Variants in KCNMA1 observed in about 807,000 individuals in gnomAD.
KCNMA1 encodes the protein Calcium-activated potassium channel subunit alpha-1.
A neutral mutation model predicts 140.0 loss-of-function variants in KCNMA1; 29 were observed. That is an observed-to-expected ratio of 0.21 (90% confidence interval 0.15 to 0.28). KCNMA1 has a LOEUF of 0.28. Among genes scored for constraint, KCNMA1 ranks in the 10% least tolerant of loss-of-function variants. The pLI, the probability that KCNMA1 is intolerant of heterozygous loss-of-function variation, is 1.00. For synonymous variants in KCNMA1, 612 were observed against 611.9 expected, an observed-to-expected ratio of 1.00 and a Z score of 0.00; for missense variants, 880 against 1,602.2, an observed-to-expected ratio of 0.55 and a Z score of 7.70.
intron 1 of KCNMA1, among the ~76,000 whole-genome samples, chr10:77,505,863 A>C (rs2045614177): frequency 6.6e-6 from 1 of 152,258 alleles, no homozygotes; most frequent in Non-Finnish European, 1.5e-5. Flanking sequence ...ATGACTAATC[A>C]GAAATGACAG....
intron 14 of KCNMA1, among the ~76,000 whole-genome samples, chr10:77,054,664 A>T (rs1395895275): frequency 1.3e-5 from 2 of 152,322 alleles, no homozygotes; most frequent in East Asian, 3.9e-4. Context: ...ATGAAACCCT[A>T]ATCACTGGGA....
At chr10:76,921,352 G>A (rs567400652) in intron 23 of KCNMA1, among the ~76,000 whole-genome samples, 2 of 152,240 alleles carry the variant, frequency 1.3e-5, no homozygotes, top group Admixed American at 1.3e-4. Flanking sequence ...CATCATCTAT[G>A]AGATGAATTA....
chr10:77,292,655 T>C (rs2073677229), intron 2 of KCNMA1, among the ~76,000 whole-genome samples: 1 of 152,202 alleles, frequency 6.6e-6, no homozygotes, highest in Non-Finnish European at 1.5e-5. Flanking sequence ...CTCCTTTCTC[T>C]TGTCAACCTC....
At chr10:77,232,691 T>C (rs1454253115) in intron 3 of KCNMA1, among the ~76,000 whole-genome samples, 1 of 152,230 alleles carries the variant, frequency 6.6e-6, no homozygotes, top group Non-Finnish European at 1.5e-5. Context: ...CTTTTTCTTT[T>C]GTTGCTTTTG....
chr10:77,019,260 C>A, intron 16 of KCNMA1, 161 bp from the exon 17 acceptor site: 1 of 630,840 alleles, frequency 1.6e-6, no homozygotes, highest in Non-Finnish European at 2.8e-6. Context: ...CTGCCCCATA[C>A]ATTTAGTTGG....
chr10:77,137,358 T>C (rs2574795), intron 5 of KCNMA1, among the ~76,000 whole-genome samples: 133,244 of 152,236 alleles, frequency 0.88, 58,321 homozygotes, highest in Admixed American at 0.92. Flanking sequence ...GTTTCCAATC[T>C]CTGCAGCCCC....
intron 16 of KCNMA1, among the ~76,000 whole-genome samples, chr10:77,023,486 A>C (rs917511060): frequency 2.0e-5 from 3 of 152,204 alleles, no homozygotes; most frequent in Non-Finnish European, 4.4e-5. Flanking sequence ...TGTGTCTAGC[A>C]AGCTAATGGG....
intron 23 of KCNMA1, among the ~76,000 whole-genome samples, chr10:76,926,427 A>G (rs1302283381): frequency 3.3e-5 from 5 of 152,182 alleles, no homozygotes; most frequent in East Asian, 1.9e-4. Flanking sequence ...AACTGCTTAC[A>G]ACAGCACCTG....
Position 76,886,657 on chromosome 10 carries a change from T to C in KCNMA1, c.*609A>G. ...GGTGAGTAACTAAAAAAATCACTGA[T>C]GTTCTCTTGCAACAAGCAGGTCCTT... is the stretch of plus-strand genomic sequence containing the variant. On this transcript the variant is annotated 3_prime_UTR_variant, in exon 28 of 28. Transcript: ENST00000286628. The C allele has an allele frequency of 4.0e-6, 4 of 992,206 alleles. No homozygotes were observed. The highest frequency in any genetic ancestry group is 4.8e-6 in the Non-Finnish European group (4 of 833,914). The allele number at this position is 992,206 out of a possible 1,614,324, so 61.5% of individuals were successfully genotyped here. A position where few individuals can be genotyped will look rare whatever the true frequency, so the allele number is the denominator to read the frequency against.
chr10:76,914,553 A>G (rs2051877341), intron 24 of KCNMA1: 1 of 335,504 alleles, frequency 3.0e-6, no homozygotes. Context: ...GAGGACTCAG[A>G]TTGTAGGAGC....
intron 23 of KCNMA1, among the ~76,000 whole-genome samples, chr10:76,930,590 C>A (rs1278991391): frequency 6.6e-6 from 1 of 152,080 alleles, no homozygotes; most frequent in Non-Finnish European, 1.5e-5. Context: ...AAAAATAGAA[C>A]CACCACATGA....
chr10:77,037,565 G>A (rs1959074599), intron 15 of KCNMA1, among the ~76,000 whole-genome samples: 1 of 152,144 alleles, frequency 6.6e-6, no homozygotes, highest in African/African-American at 2.4e-5. Context: ...CAGAGTAAGA[G>A]AAGGGTGGAA....
intron 2 of KCNMA1, among the ~76,000 whole-genome samples, chr10:77,281,504 G>A (rs2068581458): frequency 6.6e-6 from 1 of 152,212 alleles, no homozygotes; most frequent in African/African-American, 2.4e-5. Context: ...TATATAGCTA[G>A]AGAACAGCTG....
At chr10:77,627,947 G>A (rs1603638998) in intron 1 of KCNMA1, among the ~76,000 whole-genome samples, 2 of 152,082 alleles carry the variant, frequency 1.3e-5, no homozygotes, top group African/African-American at 2.4e-5. Context: ...AAATCAGGTC[G>A]CTATTTGTTG....
At chr10:77,436,891 T>C (rs1388624951) in intron 1 of KCNMA1, among the ~76,000 whole-genome samples, 1 of 152,022 alleles carries the variant, frequency 6.6e-6, no homozygotes, top group Non-Finnish European at 1.5e-5. Flanking sequence ...ATTATCTGAA[T>C]ATGCCAGGCT....
At chr10:77,079,121 T>A (rs1406393566) in intron 13 of KCNMA1, among the ~76,000 whole-genome samples, 2 of 151,966 alleles carry the variant, frequency 1.3e-5, no homozygotes, top group Non-Finnish European at 2.9e-5. Flanking sequence ...AAGTACAAAA[T>A]CAGCCTGGCA....
intron 14 of KCNMA1, among the ~76,000 whole-genome samples, chr10:77,039,953 GC>G (rs1437400750): frequency 1.9e-4 from 22 of 117,950 alleles, no homozygotes; most frequent in Non-Finnish European, 3.2e-4. Context: ...GTGGGTCATA[GC>G]TCACTGAAGC....
chr10:76,936,502 G>A (rs1157344733), intron 23 of KCNMA1, among the ~76,000 whole-genome samples: 10 of 152,150 alleles, frequency 6.6e-5, no homozygotes, highest in Admixed American at 3.3e-4. Flanking sequence ...ATATTTTAGC[G>A]CTGAGCTTTG....
chr10:77,050,691 AG>A (rs2095330160), intron 14 of KCNMA1, among the ~76,000 whole-genome samples: 1 of 152,196 alleles, frequency 6.6e-6, no homozygotes, highest in Non-Finnish European at 1.5e-5. Context: ...CTTCCCCTAT[AG>A]GGCCCACATT....
Sources: allele counts gnomAD v4.1 joint callset (sites outside exome capture counted in the v4.1 genomes callset), GRCh38; gene constraint gnomAD v4.1.1; transcripts MANE v1.5; gene names NCBI Gene and HGNC (gene_info 2026-07-23, HGNC 2026-07-21).